UNC13C: variants seen among roughly 807,000 people sequenced by gnomAD.
The protein encoded by UNC13C is protein unc-13 homolog C.
A neutral mutation model predicts 245.4 loss-of-function variants in UNC13C; 174 were observed. That is an observed-to-expected ratio of 0.71 (90% CI 0.63 to 0.80). UNC13C has a LOEUF of 0.80. UNC13C is among the 30% of genes least tolerant of loss of function. The pLI is 0.00. For synonymous variants in UNC13C, 992 were observed against 895.1 expected (o/e 1.11, Z -1.93); for missense variants, 2,829 against 2,602.9 (o/e 1.09, Z -1.89).
rs1280447825 is a variant in UNC13C, at chr15:54,186,336, C to G, written c.3071+42652C>G. 2.6e-5 allele frequency among the ~76,000 whole-genome samples: 4 copies of G among 152,096 alleles called. No homozygotes were observed. In the South Asian group the frequency reaches 6.2e-4, roughly 24 times the overall value. Reference sequence around the variant, plus strand: ...ATAGGAGTGGTGAGAGAGGGCATCCCTGTCTTGTGCCAGTTTTCAAAGGGA... The same window carrying G: ...ATAGGAGTGGTGAGAGAGGGCATCCGTGTCTTGTGCCAGTTTTCAAAGGGA... On this transcript the variant is annotated intron_variant, in intron 4 of 32. Coordinates refer to ENST00000260323, the MANE Select transcript of UNC13C (RefSeq NM_001080534.3).
At position 54,371,735 on chromosome 15, in the gene UNC13C, CACAT is replaced by C. The variant is rs558172126; in HGVS notation, c.4714-21310_4714-21307del. ...ATATATATACACACACACACACACA[CACAT>C]ACCAGTGGAATACTATTGAGCCTTA... On this transcript the variant is annotated intron_variant, in intron 17 of 32. Coordinates refer to ENST00000260323, the MANE Select transcript of UNC13C (RefSeq NM_001080534.3). 2.6e-4 allele frequency among the ~76,000 whole-genome samples: 39 copies of C among 152,058 alleles called. No individual in the cohort carries two copies. In the South Asian group the frequency reaches 7.3e-3, roughly 28 times the overall value.
chr15:54,198,143 C>A (rs963212667), intron 4 of UNC13C, among the ~76,000 whole-genome samples: 1 of 152,038 alleles, frequency 6.6e-6, no homozygotes, highest in African/African-American at 2.4e-5. Flanking sequence ...GGAACCACAC[C>A]CCTATCCCAC....
chr15:54,592,370 C>G (rs781686517), intron 30 of UNC13C, among the ~76,000 whole-genome samples: 87 of 152,192 alleles, frequency 5.7e-4, no homozygotes, highest in Middle Eastern at 3.4e-3. Context: ...GTCTTGATGA[C>G]CTGTCTAGTG....
chr15:54,207,090 T>C (rs973436042), intron 4 of UNC13C, among the ~76,000 whole-genome samples: 3 of 151,692 alleles, frequency 2.0e-5, no homozygotes, highest in Non-Finnish European at 4.4e-5. Context: ...CAAGGTAAGG[T>C]AGCAGTGGCA....
the UNC13C span, among the ~76,000 whole-genome samples, chr15:53,842,899 T>TA: frequency 3.9e-4 from 49 of 127,192 alleles, no homozygotes; most frequent in African/African-American, 9.2e-4. Context: ...AATTTTAAGT[T>TA]TTATATATAT....
Position 54,014,220 on chromosome 15 carries a change from A to G in UNC13C, c.1317A>G (p.Pro439=), listed in dbSNP as rs769426904. The stretch of plus-strand genomic sequence containing the variant: ...CTATAAAGTTGTCTACTCCAGAGCC[A>G]AAAATCAAGAAGAACAATTGGCAGT... ...SMAIKLSTPE[P]KIKKNNWQSP... Residue 439 remains proline (P), a synonymous_variant, in exon 2 of 33, where the codon CCA becomes CCG. Coordinates refer to ENST00000260323, the MANE Select transcript of UNC13C (RefSeq NM_001080534.3). 2 of 1,613,954 alleles carry G rather than the reference A, an allele frequency of 1.2e-6. No individual in the cohort carries two copies. Among genetic ancestry groups the G allele is most frequent in the Non-Finnish European group, 1.7e-6 (2 of 1,179,850 alleles).
chr15:54,237,499 C>G (rs1049558319), intron 6 of UNC13C, 120 bp from the exon 7 acceptor site: 13 of 773,848 alleles, frequency 1.7e-5, no homozygotes, highest in Non-Finnish European at 3.0e-5. Flanking sequence ...AATGGCAGGT[C>G]CTTACTAACT....
the UNC13C span, among the ~76,000 whole-genome samples, chr15:53,927,980 GT>G: frequency 9.9e-5 from 15 of 152,128 alleles, no homozygotes; most frequent in African/African-American, 3.6e-4. Context: ...AGTACTCAAA[GT>G]TTGACAACTT....
chr15:54,464,990 A>T (rs1892090921), intron 19 of UNC13C, among the ~76,000 whole-genome samples: 2 of 152,076 alleles, frequency 1.3e-5, no homozygotes, highest in South Asian at 4.1e-4. Flanking sequence ...AATACATACA[A>T]ATAATACATT....
chr15:53,931,472 T>A, the UNC13C span, among the ~76,000 whole-genome samples: 7 of 151,998 alleles, frequency 4.6e-5, no homozygotes, highest in Non-Finnish European at 8.8e-5. Context: ...CTTGGCCTTT[T>A]TTGGCTTATT....
intron 4 of UNC13C, among the ~76,000 whole-genome samples, chr15:54,177,460 AGTAAAATACAG>A (rs1184804121): frequency 2.0e-5 from 3 of 152,170 alleles, no homozygotes; most frequent in Admixed American, 6.5e-5. Flanking sequence ...GTAATCTTCA[AGTAAAATACAG>A]GTAGGCATTA....
chr15:54,625,268 G>C (rs1471209600), intron 32 of UNC13C, among the ~76,000 whole-genome samples: 2 of 93,468 alleles, frequency 2.1e-5, no homozygotes, highest in African/African-American at 8.4e-5. Context: ...TCTACCGGAA[G>C]CAAGAAGAAA....
intron 17 of UNC13C, among the ~76,000 whole-genome samples, chr15:54,349,135 C>T (rs2038924859): frequency 6.8e-6 from 1 of 147,602 alleles, no homozygotes; most frequent in Non-Finnish European, 1.5e-5. Flanking sequence ...TATAAAATAT[C>T]ATTTGATATT....
At chr15:54,510,530 T>C (rs1415945916) in intron 23 of UNC13C, among the ~76,000 whole-genome samples, 1 of 151,462 alleles carries the variant, frequency 6.6e-6, no homozygotes, top group African/African-American at 2.5e-5. Context: ...GATATCTGTG[T>C]TAAAAAATAA....
At chr15:53,866,561 T>TA in the UNC13C span, among the ~76,000 whole-genome samples, 1 of 152,206 alleles carries the variant, frequency 6.6e-6, no homozygotes. Flanking sequence ...GGTTCAAGAA[T>TA]AGTTAGAAAC....
chr15:54,453,688 A>G (rs1325192475), intron 19 of UNC13C, among the ~76,000 whole-genome samples: 1 of 152,180 alleles, frequency 6.6e-6, no homozygotes, highest in Non-Finnish European at 1.5e-5. Flanking sequence ...TATATTGACA[A>G]ATTTTTTTCT....
At chr15:54,017,585 A>G (rs1251029196) in intron 2 of UNC13C, among the ~76,000 whole-genome samples, 1 of 152,076 alleles carries the variant, frequency 6.6e-6, no homozygotes, top group Non-Finnish European at 1.5e-5. Flanking sequence ...GTTGCTTGAA[A>G]TGTTAGGCAA....
At chr15:54,621,810 A>T (rs984644650) in intron 30 of UNC13C, among the ~76,000 whole-genome samples, 1 of 152,070 alleles carries the variant, frequency 6.6e-6, no homozygotes, top group African/African-American at 2.4e-5. Flanking sequence ...TTTCCAGGAG[A>T]CAGTTGACTT....
chr15:54,552,773 AAT>A (rs1171945903), intron 28 of UNC13C, among the ~76,000 whole-genome samples: 3 of 94,012 alleles, frequency 3.2e-5, no homozygotes, highest in Non-Finnish European at 5.5e-5. Context: ...TATATAGTAC[AAT>A]ATATAATATA....
Sources: allele counts gnomAD v4.1 joint callset (sites outside exome capture counted in the v4.1 genomes callset), GRCh38; gene constraint gnomAD v4.1.1; transcripts MANE v1.5; gene names NCBI Gene and HGNC (gene_info 2026-07-23, HGNC 2026-07-21).